Variants in MAPK4 observed in about 807,000 individuals in gnomAD.
The protein encoded by MAPK4 is mitogen-activated protein kinase 4, also known as Erk3-related.
MAPK4 carries 22 observed loss-of-function variants against 47.7 expected under a neutral mutation model. That is an observed-to-expected ratio of 0.46 (90% CI 0.33 to 0.66). The LOEUF is 0.66. Ranked by LOEUF, MAPK4 falls within the 30% of genes least tolerant of loss-of-function variation. MAPK4 has a pLI of 0.02. For synonymous variants in MAPK4, 390 were observed against 365.7 expected (o/e 1.07, Z -0.76); for missense variants, 736 against 831.7 (o/e 0.88, Z 1.42).
chr18:50,568,388 G>T (rs888000606), intron 1 of MAPK4, among the ~76,000 whole-genome samples: 1 of 152,196 alleles, frequency 6.6e-6, no homozygotes, highest in East Asian at 1.9e-4. Flanking sequence ...AAATTACATC[G>T]AGCATTTGCT....
rs2042756021 is a variant in MAPK4, at chr18:50,624,178, T to G, written c.-870-38911T>G. Among the ~76,000 whole-genome samples, 5 of 152,236 alleles carry G rather than the reference T, an allele frequency of 3.3e-5. No individual in the cohort carries two copies. In the South Asian group the frequency reaches 1.0e-3, roughly 31 times the overall value. On this transcript the variant is annotated intron_variant, in intron 1 of 5. Coordinates refer to ENST00000400384, the MANE Select transcript of MAPK4 (RefSeq NM_002747.4). ...CAGAGCAAGGACCTGTTTACTAGTT[T>G]ATGGCTAACACAATGCTGGGGACAG... is the stretch of plus-strand genomic sequence containing the variant.
At position 50,692,830 on chromosome 18, in the gene MAPK4, G is replaced by A. The variant is rs184397927; in HGVS notation, c.547-22249G>A. On this transcript the variant is annotated intron_variant, in intron 2 of 5. Coordinates refer to ENST00000400384, the MANE Select transcript of MAPK4 (RefSeq NM_002747.4). ...CAGGATCCCCAGGCAGGAGAACACC[G>A]AGTTAGGAATGGTGACTGGCTTCCC... Among the ~76,000 whole-genome samples, 18 of 152,230 alleles carry A rather than the reference G, an allele frequency of 1.2e-4. No individual in the cohort carries two copies. In the East Asian group the frequency reaches 2.3e-3, roughly 20 times the overall value.
intron 1 of MAPK4, among the ~76,000 whole-genome samples, chr18:50,581,026 A>G (rs1005438503): frequency 6.6e-6 from 1 of 152,156 alleles, no homozygotes; most frequent in Non-Finnish European, 1.5e-5. Flanking sequence ...GCCTGTATTC[A>G]TCCTCACTCT....
intron 2 of MAPK4, among the ~76,000 whole-genome samples, chr18:50,689,404 T>TA (rs34978159): frequency 0.024 from 1,990 of 84,500 alleles, 29 homozygotes; most frequent in Middle Eastern, 0.031. Flanking sequence ...AACTCCATCT[T>TA]AAAAAAAAAA....
intron 1 of MAPK4, among the ~76,000 whole-genome samples, chr18:50,636,101 T>C (rs953468639): frequency 6.6e-6 from 1 of 152,220 alleles, no homozygotes; most frequent in Non-Finnish European, 1.5e-5. Context: ...TCCTTCTATC[T>C]GGAGCACTTT....
intron 1 of MAPK4, among the ~76,000 whole-genome samples, chr18:50,581,398 A>G (rs556382856): frequency 6.6e-6 from 1 of 152,194 alleles, no homozygotes; most frequent in East Asian, 1.9e-4. Flanking sequence ...AGGTCTTTCC[A>G]TAGGGGCTTA....
At chr18:50,559,953 C>T (rs2042136299), upstream of MAPK4, 1 of 150,452 alleles carries the variant, frequency 6.6e-6, no homozygotes, top group Non-Finnish European at 1.5e-5. Flanking sequence ...CTGCCGCCCC[C>T]GGGCGCCCAG....
At position 50,717,794 on chromosome 18, in the gene MAPK4, A is replaced by T. The variant is rs573514973; in HGVS notation, c.691+2571A>T. ...CTTGTTCACTGTAGAGTGACCACAT[A>T]TGGGCAGCTGGTGTAATAATTAGCT... On this transcript the variant is annotated intron_variant, in intron 3 of 5. Coordinates refer to ENST00000400384, the MANE Select transcript of MAPK4 (RefSeq NM_002747.4). 5.3e-5 allele frequency among the ~76,000 whole-genome samples: 8 copies of T among 152,308 alleles called. No individual in the cohort carries two copies. The South Asian group carries it at 1.7e-3, about 32-fold the overall frequency.
intron 1 of MAPK4, among the ~76,000 whole-genome samples, chr18:50,662,719 T>C (rs1907346858): frequency 6.6e-6 from 1 of 152,270 alleles, no homozygotes; most frequent in Non-Finnish European, 1.5e-5. Context: ...TGCTTTCTAC[T>C]CTCACCCTTC....
intron 1 of MAPK4, among the ~76,000 whole-genome samples, chr18:50,572,235 A>G (rs2042256050): frequency 6.6e-6 from 1 of 152,222 alleles, no homozygotes; most frequent in Admixed American, 6.5e-5. Flanking sequence ...GAAGAACGTT[A>G]GGGTACACAG....
At chr18:50,607,050 C>G (rs531390111) in intron 1 of MAPK4, among the ~76,000 whole-genome samples, 4 of 152,334 alleles carry the variant, frequency 2.6e-5, no homozygotes, top group African/African-American at 9.6e-5. Context: ...CTGTTTCTTA[C>G]TGCAGCATAA....
chr18:50,710,173 T>A (rs144462519), intron 2 of MAPK4, among the ~76,000 whole-genome samples: 73 of 152,284 alleles, frequency 4.8e-4, no homozygotes, highest in Admixed American at 1.3e-3. Context: ...GAGAATGTCA[T>A]CTCATTTAAA....
intron 1 of MAPK4, among the ~76,000 whole-genome samples, chr18:50,613,728 A>G (rs907782365): frequency 2.6e-5 from 4 of 152,238 alleles, no homozygotes; most frequent in East Asian, 3.8e-4. Context: ...TATATACACC[A>G]TACATAGGCT....
At chr18:50,612,433 T>C (rs1398363713) in intron 1 of MAPK4, among the ~76,000 whole-genome samples, 1 of 152,188 alleles carries the variant, frequency 6.6e-6, no homozygotes, top group African/African-American at 2.4e-5. Context: ...ATGTCACCCC[T>C]ACCCTCAGGG....
At chr18:50,601,197 G>T (rs1233647169) in intron 1 of MAPK4, among the ~76,000 whole-genome samples, 1 of 151,808 alleles carries the variant, frequency 6.6e-6, no homozygotes. Context: ...AGCTGGGCAT[G>T]GTGGCGCGTG....
intron 2 of MAPK4, among the ~76,000 whole-genome samples, chr18:50,679,542 T>C (rs1313973932): frequency 2.6e-5 from 4 of 152,234 alleles, no homozygotes; most frequent in African/African-American, 7.2e-5. Context: ...CCTCCTTTGA[T>C]AGATGAGCAC....
intron 2 of MAPK4, among the ~76,000 whole-genome samples, chr18:50,709,346 C>T (rs1910226791): frequency 6.6e-6 from 1 of 152,154 alleles, no homozygotes; most frequent in Admixed American, 6.5e-5. Context: ...CCAGACTGCC[C>T]GGGGAATTGG....
At chr18:50,724,729 T>A (rs1357924112) in intron 4 of MAPK4, among the ~76,000 whole-genome samples, 1 of 152,220 alleles carries the variant, frequency 6.6e-6, no homozygotes, top group African/African-American at 2.4e-5. Context: ...CAATCACTGA[T>A]GAATTTTCTT....
At chr18:50,726,227 T>G in intron 5 of MAPK4, 52 bp downstream of exon 5, 13 of 1,562,010 alleles carry the variant, frequency 8.3e-6, no homozygotes, top group Non-Finnish European at 1.1e-5. Flanking sequence ...CTCCCATCTC[T>G]ATTTTGCCTC....
Sources: allele counts gnomAD v4.1 joint callset (sites outside exome capture counted in the v4.1 genomes callset), GRCh38; gene constraint gnomAD v4.1.1; transcripts MANE v1.5; gene names NCBI Gene and HGNC (gene_info 2026-07-23, HGNC 2026-07-21).